LDB2: variants seen among roughly 807,000 people sequenced by gnomAD.
The protein encoded by LDB2 is LIM domain-binding protein 2.
LDB2 carries 12 observed loss-of-function variants against 44.3 expected under a neutral mutation model. That is an observed-to-expected ratio of 0.27 (90% CI 0.17 to 0.44). The LOEUF (loss-of-function observed/expected upper bound fraction) is 0.44. Ranked by LOEUF, LDB2 falls within the 20% of genes least tolerant of loss-of-function variation. The pLI is 1.00. For synonymous variants in LDB2, 164 were observed against 174.8 expected (o/e 0.94, Z 0.49); for missense variants, 344 against 473.5 (o/e 0.73, Z 2.54).
chr4:16,734,863 C>T (rs551927411), intron 2 of LDB2, among the ~76,000 whole-genome samples: 15 of 152,170 alleles, frequency 9.9e-5, no homozygotes, highest in African/African-American at 3.1e-4. Flanking sequence ...CGCCCACCAC[C>T]ATGCCTGGCT....
intron 5 of LDB2, among the ~76,000 whole-genome samples, chr4:16,559,862 CTG>C (rs1407051093): frequency 6.6e-6 from 1 of 152,182 alleles, no homozygotes; most frequent in Non-Finnish European, 1.5e-5. Flanking sequence ...TTATAACAAA[CTG>C]TCTCTCAGAC....
intron 2 of LDB2, among the ~76,000 whole-genome samples, chr4:16,674,740 AAT>A (rs1745807154): frequency 6.6e-6 from 1 of 152,070 alleles, no homozygotes; most frequent in Non-Finnish European, 1.5e-5. Context: ...TAAACTTGTT[AAT>A]GTCATTTTTA....
At chr4:16,704,987 T>A (rs1754297982) in intron 2 of LDB2, among the ~76,000 whole-genome samples, 1 of 152,196 alleles carries the variant, frequency 6.6e-6, no homozygotes, top group South Asian at 2.1e-4. Flanking sequence ...TGCATGAGGA[T>A]CTTTGGCTTA....
intron 1 of LDB2, among the ~76,000 whole-genome samples, chr4:16,833,623 A>AC (rs1303388780): frequency 3.3e-5 from 5 of 150,628 alleles, no homozygotes; most frequent in Admixed American, 1.3e-4. Flanking sequence ...GCTCACTGCA[A>AC]CCTCTGCCTC....
intron 5 of LDB2, among the ~76,000 whole-genome samples, chr4:16,542,924 C>G (rs1175594254): frequency 6.6e-5 from 7 of 106,546 alleles, no homozygotes; most frequent in African/African-American, 1.5e-4. Flanking sequence ...TCCCTCCCCC[C>G]TCCCCCCACC....
At chr4:16,699,592 A>G (rs1752967103) in intron 2 of LDB2, among the ~76,000 whole-genome samples, 1 of 152,234 alleles carries the variant, frequency 6.6e-6, no homozygotes, top group Non-Finnish European at 1.5e-5. Context: ...GTGGAGAAGT[A>G]TATAGAGTAT....
In LDB2 at chr4:16,633,746, G is replaced by A. The variant is rs189438133; in HGVS notation, c.236-37871C>T. Among the ~76,000 whole-genome samples the A allele has an allele frequency of 4.6e-4, 70 of 152,244 alleles. 1 individual carries two copies. Among genetic ancestry groups the A allele is most frequent in the Admixed American group, 3.7e-3 (56 of 15,296 alleles). ...CAAACTACCACTGACTTTCTTCACAGAACTGGAAAAAACTATTTTAAACTT... is the reference window on the plus strand; with the variant it reads ...CAAACTACCACTGACTTTCTTCACAAAACTGGAAAAAACTATTTTAAACTT... On this transcript the variant is annotated intron_variant, in intron 2 of 7. Coordinates refer to ENST00000304523, the MANE Select transcript of LDB2 (RefSeq NM_001290.5).
intron 1 of LDB2, among the ~76,000 whole-genome samples, chr4:16,847,476 T>C (rs1038345768): frequency 3.3e-5 from 5 of 152,244 alleles, no homozygotes; most frequent in African/African-American, 1.2e-4. Context: ...ACATCAAAGA[T>C]GTTTACCATA....
At chr4:16,586,298 C>A (rs1716781942) in intron 4 of LDB2, among the ~76,000 whole-genome samples, 1 of 152,096 alleles carries the variant, frequency 6.6e-6, no homozygotes, top group African/African-American at 2.4e-5. Flanking sequence ...GCACTCGGGT[C>A]TCCAGCCTGA....
At chr4:16,729,419 AC>A (rs900428182) in intron 2 of LDB2, among the ~76,000 whole-genome samples, 1 of 152,144 alleles carries the variant, frequency 6.6e-6, no homozygotes, top group African/African-American at 2.4e-5. Context: ...CACATTTAAA[AC>A]TTAGATTTTT....
At chr4:16,864,486 C>T (rs1406938744) in intron 1 of LDB2, among the ~76,000 whole-genome samples, 3 of 152,156 alleles carry the variant, frequency 2.0e-5, no homozygotes, top group African/African-American at 4.8e-5. Flanking sequence ...AAGTGTAAGA[C>T]TCGGGTAAAA....
At chr4:16,876,948 C>T (rs1020938946) in intron 1 of LDB2, among the ~76,000 whole-genome samples, 1 of 150,538 alleles carries the variant, frequency 6.6e-6, no homozygotes, top group African/African-American at 2.5e-5. Context: ...CGCTCTGTCA[C>T]ACAGACTGGA....
intron 1 of LDB2, among the ~76,000 whole-genome samples, chr4:16,789,997 A>G (rs1775358202): frequency 6.6e-6 from 1 of 152,282 alleles, no homozygotes; most frequent in South Asian, 2.1e-4. Context: ...TATAGACAAG[A>G]AAGTCAAGGC....
rs556253358 is a variant in LDB2, at chr4:16,636,085, G to A, written c.236-40210C>T. On this transcript the variant is annotated intron_variant, in intron 2 of 7. Transcript: ENST00000304523. ...AGGATTGTTTTATATGAAGGCATAT[G>A]CCATATAAAACACCACCACAAATTA... Among the ~76,000 whole-genome samples the A allele has an allele frequency of 1.7e-4, 26 of 152,304 alleles. No individual in the cohort carries two copies. The South Asian group carries it at 3.5e-3, about 21-fold the overall frequency.
intron 3 of LDB2, among the ~76,000 whole-genome samples, chr4:16,595,044 G>A (rs982602437): frequency 6.6e-6 from 1 of 152,148 alleles, no homozygotes; most frequent in Non-Finnish European, 1.5e-5. Flanking sequence ...AAGGATCATA[G>A]ATCTAAAATG....
intron 1 of LDB2, among the ~76,000 whole-genome samples, chr4:16,834,903 T>C (rs1580095296): frequency 6.6e-6 from 1 of 152,082 alleles, no homozygotes; most frequent in Non-Finnish European, 1.5e-5. Flanking sequence ...AGCATCCATT[T>C]ACATAGTAAT....
At chr4:16,546,543 G>T (rs1053870765) in intron 5 of LDB2, among the ~76,000 whole-genome samples, 37 of 152,184 alleles carry the variant, frequency 2.4e-4, no homozygotes, top group African/African-American at 8.9e-4. Flanking sequence ...CTTCATTTGG[G>T]TTTTTCGAGG....
At chr4:16,662,355 G>C (rs895733165) in intron 2 of LDB2, among the ~76,000 whole-genome samples, 2 of 152,114 alleles carry the variant, frequency 1.3e-5, no homozygotes, top group Non-Finnish European at 2.9e-5. Flanking sequence ...ACAGAAAGTA[G>C]CTAAAAAATA....
intron 2 of LDB2, among the ~76,000 whole-genome samples, chr4:16,739,360 G>A (rs1762489303): frequency 6.6e-6 from 1 of 150,966 alleles, no homozygotes; most frequent in African/African-American, 2.4e-5. Context: ...GCCGAGGCAG[G>A]CAGATCACTT....
Sources: gnomAD v4.1 joint callset for allele counts (sites outside exome capture counted in the v4.1 genomes callset) on GRCh38, gnomAD v4.1.1 for gene constraint, MANE v1.5 for transcripts, NCBI Gene and HGNC (gene_info 2026-07-23, HGNC 2026-07-21) for gene names.